ANGPT2: variants seen among roughly 807,000 people sequenced by gnomAD.
ANGPT2 encodes angiopoietin-2.
ANGPT2 carries 28 observed loss-of-function variants against 62.9 expected under a neutral mutation model. The ratio of observed to expected loss-of-function variants is 0.44; its 90% CI spans 0.33 to 0.61. The LOEUF (loss-of-function observed/expected upper bound fraction) is 0.61. Ranked by LOEUF, ANGPT2 falls within the 20% of genes least tolerant of loss-of-function variation. The pLI is 0.03. For synonymous variants in ANGPT2, 284 were observed against 207.8 expected (o/e 1.37, Z -3.15); for missense variants, 727 against 594.9 (o/e 1.22, Z -2.31).
intron 1 of ANGPT2, among the ~76,000 whole-genome samples, chr8:6,551,458 T>G (rs543347240): frequency 5.3e-5 from 8 of 152,244 alleles, no homozygotes; most frequent in Non-Finnish European, 1.0e-4. Flanking sequence ...GTGTTTGTTA[T>G]TACCCAGAAG....
intron 2 of ANGPT2, among the ~76,000 whole-genome samples, chr8:6,529,453 C>CTT (rs200029751): frequency 5.9e-5 from 8 of 136,034 alleles, no homozygotes; most frequent in East Asian, 4.2e-4. Flanking sequence ...AGCCATTTTT[C>CTT]TTTTTTTTTT....
At position 6,501,643 on chromosome 8, in the gene ANGPT2, C is replaced by G. The variant is rs533121596; in HGVS notation, c.*1458G>C. ...GATCTTGGCTCACTGCAACCTCTAC[C>G]TCCCTGGTGCAAGCAATTCTCCCTG... On this transcript the variant is annotated 3_prime_UTR_variant, in exon 9 of 9. Coordinates refer to ENST00000629816, the MANE Select transcript of ANGPT2 (RefSeq NM_001118887.2). 2 of 150,918 alleles carry G rather than the reference C, an allele frequency of 1.3e-5. No individual in the cohort carries two copies. The highest frequency in any genetic ancestry group is 4.9e-5 in the African/African-American group (2 of 40,916). The allele number at this position is 150,918 out of a possible 1,614,324, so 9.3% of individuals were successfully genotyped here.
chr8:6,552,546 C>T (rs1466690945), intron 1 of ANGPT2, among the ~76,000 whole-genome samples: 1 of 152,132 alleles, frequency 6.6e-6, no homozygotes, highest in Non-Finnish European at 1.5e-5. Context: ...TAACCTTTAA[C>T]TAATGTGAGA....
In ANGPT2 at chr8:6,518,165, A is replaced by G. The variant is rs1586299323; in HGVS notation, c.927+1699T>C. ...AGATGAAACAATGTGATGGGGCTGCATGGTTAGCGGCTGTCCCTCTGCATC... is the reference window on the plus strand; with the variant it reads ...AGATGAAACAATGTGATGGGGCTGCGTGGTTAGCGGCTGTCCCTCTGCATC... On this transcript the variant is annotated intron_variant, in intron 5 of 8. Coordinates refer to ENST00000629816, the MANE Select transcript of ANGPT2 (RefSeq NM_001118887.2). Among the ~76,000 whole-genome samples, 3 of 152,256 alleles carry G rather than the reference A, an allele frequency of 2.0e-5. No individual in the cohort carries two copies. The South Asian group carries it at 6.2e-4, about 32-fold the overall frequency.
At chr8:6,561,066 G>A (rs1226139585) in intron 1 of ANGPT2, among the ~76,000 whole-genome samples, 8 of 152,202 alleles carry the variant, frequency 5.3e-5, no homozygotes, top group Non-Finnish European at 1.2e-4. Context: ...GAAATAGGAA[G>A]TTCAAGTTAA....
At position 6,505,340 on chromosome 8, in the gene ANGPT2, A is replaced by ATGT. The variant is rs1813258326; in HGVS notation, c.1328-2080_1328-2079insACA. On this transcript the variant is annotated intron_variant, in intron 8 of 8. Transcript: ENST00000629816. Reference sequence around the variant, plus strand: ...TATATGTTATATACATATAGAAAGAATATATATATTCTTTCTATATGTATA... The same window carrying ATGT: ...TATATGTTATATACATATAGAAAGAATGTTATATATATTCTTTCTATATGTATA... Among the ~76,000 whole-genome samples, 2 of 40,940 alleles carry ATGT rather than the reference A, an allele frequency of 4.9e-5. 1 individual carries two copies. Among genetic ancestry groups the ATGT allele is most frequent in the Non-Finnish European group, 9.6e-5 (2 of 20,898 alleles). 26.9% of individuals were successfully genotyped at this position (40,940 alleles called of 152,430 possible). A position where few individuals can be genotyped will look rare whatever the true frequency, so the allele number is the denominator to read the frequency against.
chr8:6,499,692 G>T lies in ANGPT2; in HGVS notation c.*3409C>A. 1 of 635,946 alleles carries T rather than the reference G, an allele frequency of 1.6e-6. No individual in the cohort carries two copies. The highest frequency in any genetic ancestry group is 1.8e-5 in the South Asian group (1 of 55,068). 39.4% of individuals were successfully genotyped at this position (635,946 alleles called of 1,614,324 possible). A position where few individuals can be genotyped will look rare whatever the true frequency, so the allele number is the denominator to read the frequency against. Reference sequence around the variant, plus strand: ...TTTTATTAATATTCATAACATTTATGCAACATGAAGATTCTGAAGGGACTT... The same window carrying T: ...TTTTATTAATATTCATAACATTTATTCAACATGAAGATTCTGAAGGGACTT... On this transcript the variant is annotated 3_prime_UTR_variant, in exon 9 of 9. Coordinates refer to ENST00000629816, the MANE Select transcript of ANGPT2 (RefSeq NM_001118887.2).
intron 1 of ANGPT2, among the ~76,000 whole-genome samples, chr8:6,555,005 C>A (rs1355409763): frequency 6.6e-6 from 1 of 152,162 alleles, no homozygotes; most frequent in Non-Finnish European, 1.5e-5. Context: ...AGAGTCCAGG[C>A]AGTGGTAGGC....
intron 7 of ANGPT2, among the ~76,000 whole-genome samples, chr8:6,512,335 T>C (rs751373517): frequency 5.3e-5 from 8 of 152,164 alleles, no homozygotes; most frequent in Non-Finnish European, 1.2e-4. Context: ...TCAAGGACTT[T>C]AACATTGTGT....
At chr8:6,503,858 C>A (rs1586166061) in intron 8 of ANGPT2, among the ~76,000 whole-genome samples, 1 of 152,254 alleles carries the variant, frequency 6.6e-6, no homozygotes, top group South Asian at 2.1e-4. Flanking sequence ...GAGTGAAGCC[C>A]CATCTGCACC....
intron 8 of ANGPT2, 66 bp downstream of exon 8, chr8:6,508,866 C>G (rs1273247768): frequency 6.2e-7 from 1 of 1,606,544 alleles, no homozygotes; most frequent in Admixed American, 1.7e-5. Context: ...GTCCAAATTG[C>G]CAGCCTTTCC....
intron 1 of ANGPT2, among the ~76,000 whole-genome samples, chr8:6,544,425 A>G (rs547885387): frequency 1.8e-4 from 28 of 152,226 alleles, no homozygotes; most frequent in Non-Finnish European, 3.4e-4. Context: ...ACTTGTAATT[A>G]TGTCTTCCAA....
intron 5 of ANGPT2, among the ~76,000 whole-genome samples, chr8:6,517,607 C>G (rs543096365): frequency 6.6e-6 from 1 of 152,202 alleles, no homozygotes; most frequent in Non-Finnish European, 1.5e-5. Flanking sequence ...GAGAAGTTGT[C>G]TGGTAGTCTT....
chr8:6,521,424 G>C lies in ANGPT2; in HGVS notation c.567-14C>G, dbSNP rs553535284. The C allele has an allele frequency of 3.4e-4, 540 of 1,575,156 alleles. 6 individuals are homozygous for C. The South Asian group carries it at 5.3e-3, about 16-fold the overall frequency. ...TTTTCTAGGAAACTTGTAAGGAAAA[G>C]AATTGTTAGTTAGTGAAGGCTATTC... On this transcript the variant is annotated splice_polypyrimidine_tract_variant and intron_variant, in intron 3 of 8. Coordinates refer to ENST00000629816, the MANE Select transcript of ANGPT2 (RefSeq NM_001118887.2).
intron 1 of ANGPT2, among the ~76,000 whole-genome samples, chr8:6,536,558 A>G (rs1428311281): frequency 2.0e-5 from 3 of 152,184 alleles, no homozygotes; most frequent in Non-Finnish European, 2.9e-5. Context: ...ACCAATGCCA[A>G]TTCTATCTTC....
intron 1 of ANGPT2, 132 bp from the exon 2 acceptor site, chr8:6,532,619 T>C (rs1819740179): frequency 4.6e-6 from 3 of 657,276 alleles, no homozygotes; most frequent in Non-Finnish European, 6.8e-6. Context: ...TACCTTGCCT[T>C]CCTTTTGGAA....
chr8:6,561,714 T>C (rs1252242698), intron 1 of ANGPT2, among the ~76,000 whole-genome samples: 1 of 152,228 alleles, frequency 6.6e-6, no homozygotes, highest in Non-Finnish European at 1.5e-5. Flanking sequence ...AGAATATATA[T>C]AGTCCATATA....
intron 1 of ANGPT2, among the ~76,000 whole-genome samples, chr8:6,537,859 A>C (rs1820785931): frequency 6.6e-6 from 1 of 152,156 alleles, no homozygotes; most frequent in Admixed American, 6.5e-5. Flanking sequence ...TTTCTCACCA[A>C]CTGTAGATGC....
intron 1 of ANGPT2, among the ~76,000 whole-genome samples, chr8:6,536,383 C>T (rs1424561044): frequency 7.0e-6 from 1 of 142,660 alleles, no homozygotes; most frequent in Non-Finnish European, 1.5e-5. Flanking sequence ...CCAGAGGCCG[C>T]TTCATACTTT....
Sources: gnomAD v4.1 joint callset for allele counts (sites outside exome capture counted in the v4.1 genomes callset) on GRCh38, gnomAD v4.1.1 for gene constraint, MANE v1.5 for transcripts, NCBI Gene and HGNC (gene_info 2026-07-23, HGNC 2026-07-21) for gene names.